MIOS: variants seen among roughly 807,000 people sequenced by gnomAD.
MIOS encodes GATOR2 complex protein MIOS.
MIOS carries 52 observed loss-of-function variants against 96.9 expected under a neutral mutation model. That is an observed-to-expected ratio of 0.54 (90% CI 0.43 to 0.68). The LOEUF (loss-of-function observed/expected upper bound fraction) is 0.68, where lower values mean the gene tolerates loss of function less well. Ranked by LOEUF, MIOS falls within the 30% of genes least tolerant of loss-of-function variation. The pLI is 0.00. For missense variants in MIOS, 1,005 were observed against 1,052.8 expected (o/e 0.95, Z 0.63); for synonymous variants, 397 against 359.5 (o/e 1.10, Z -1.18).
chr7:7,593,826 CCGAGAT>C (rs1212104703), intron 9 of MIOS, among the ~76,000 whole-genome samples: 1 of 144,462 alleles, frequency 6.9e-6, no homozygotes, highest in Admixed American at 7.1e-5. Flanking sequence ...TTGCAGTGAG[CCGAGAT>C]CGTGCCACTG....
chr7:7,600,981 G>A (rs1156672579), intron 11 of MIOS, among the ~76,000 whole-genome samples: 2 of 152,110 alleles, frequency 1.3e-5, no homozygotes, highest in African/African-American at 2.4e-5. Context: ...GGTACATAAC[G>A]AAATGAAGGC....
rs375420709 is a variant in MIOS, at chr7:7,605,948, C to A, written c.2408C>A (p.Thr803Asn). The change falls in exon 12 of 13, where the codon ACC becomes AAC. Residue 803 changes from threonine (T) to asparagine (N), a missense_variant. Physicochemically the swap from Thr to Asn is moderately conservative, Grantham distance 65. Coordinates refer to ENST00000340080, the MANE Select transcript of MIOS (RefSeq NM_019005.4). ...TCATTTTATTTTGTCATAGGAGGAA[C>A]CAAATCAGATGAAAAAGTGGACTTG... ...GTPVSSCPGG[T>N]KSDEKVDLSK... 2 of 1,613,180 alleles carry A rather than the reference C, an allele frequency of 1.2e-6. No homozygotes were observed. Among genetic ancestry groups the A allele is most frequent in the South Asian group, 2.2e-5 (2 of 91,026 alleles).
At chr7:7,580,009 A>T (rs1260669279) in intron 5 of MIOS, among the ~76,000 whole-genome samples, 1 of 152,232 alleles carries the variant, frequency 6.6e-6, no homozygotes, top group African/African-American at 2.4e-5. Context: ...AGCTGTAAGG[A>T]ACCATTTGAA....
intron 7 of MIOS, among the ~76,000 whole-genome samples, chr7:7,588,226 T>G (rs1783947456): frequency 6.6e-6 from 1 of 152,198 alleles, no homozygotes. Flanking sequence ...TTATGTTATG[T>G]AAGACTGACC....
In MIOS at chr7:7,573,623, A is replaced by C. The variant is rs374002136; in HGVS notation, c.1148A>C (p.Asp383Ala). The change falls in exon 4 of 13, where the codon GAT becomes GCT. Residue 383 changes from aspartate (D) to alanine (A), a missense_variant. Around this residue, in one of 3 missense-constraint regions of MIOS, gnomAD observed 865 missense variants for 887.9 expected, o/e 0.97. Coordinates refer to ENST00000340080, the MANE Select transcript of MIOS (RefSeq NM_019005.4). The surrounding 1 kb of genome is among the most constrained non-coding windows in gnomAD (Gnocchi z 5.0). ...HLYECTEEEN[D>A]NSLEKDIATK... ...TATGAATGTACGGAAGAAGAAAATG[A>C]TAATTCTTTAGAAAAAGATATAGCA... 5 of 1,614,068 alleles carry C rather than the reference A, an allele frequency of 3.1e-6. No individual in the cohort carries two copies. Among genetic ancestry groups the C allele is most frequent in the Non-Finnish European group, 2.5e-6 (3 of 1,179,942 alleles).
chr7:7,581,715 C>T (rs889135138), intron 5 of MIOS: 1 of 152,166 alleles, frequency 6.6e-6, no homozygotes, highest in African/African-American at 2.4e-5. Context: ...AGTTCCTTGC[C>T]ACGTGGCCTT....
At chr7:7,600,743 C>T (rs546721417) in intron 11 of MIOS, among the ~76,000 whole-genome samples, 1 of 152,294 alleles carries the variant, frequency 6.6e-6, no homozygotes, top group Admixed American at 6.5e-5. Flanking sequence ...GAACTCTCCA[C>T]CCCAAATCAA....
intron 9 of MIOS, among the ~76,000 whole-genome samples, chr7:7,594,318 T>A (rs1039295783): frequency 6.6e-6 from 1 of 151,988 alleles, no homozygotes; most frequent in Non-Finnish European, 1.5e-5. Context: ...GGACTTTTTT[T>A]TTTTTTTAAA....
intron 5 of MIOS, chr7:7,582,702 C>T (rs1166767042): frequency 1.3e-6 from 1 of 786,288 alleles, no homozygotes; most frequent in African/African-American, 1.9e-5. Flanking sequence ...ATAAAACAGA[C>T]AAGACACCTG....
chr7:7,597,735 G>A (rs1032344459), intron 11 of MIOS, among the ~76,000 whole-genome samples: 30 of 151,466 alleles, frequency 2.0e-4, no homozygotes, highest in Non-Finnish European at 7.4e-5. Context: ...ATCTCACTCT[G>A]TCACCCAGGA....
At chr7:7,590,912 G>A (rs1257770451) in intron 9 of MIOS, among the ~76,000 whole-genome samples, 1 of 152,130 alleles carries the variant, frequency 6.6e-6, no homozygotes, top group South Asian at 2.1e-4. Context: ...TGTCACAACA[G>A]TGTGATTTCA....
intron 12 of MIOS, among the ~76,000 whole-genome samples, chr7:7,606,280 C>T (rs138611256): frequency 3.3e-5 from 5 of 152,222 alleles, no homozygotes; most frequent in Non-Finnish European, 4.4e-5. Context: ...TATGTAAGAA[C>T]TAATTTAAAT....
chr7:7,605,789 C>A, intron 11 of MIOS, 153 bp from the exon 12 acceptor site: 2 of 626,002 alleles, frequency 3.2e-6, no homozygotes, highest in Non-Finnish European at 5.0e-6. Flanking sequence ...CATTCAGTTT[C>A]GCTTCATCTA....
intron 7 of MIOS, among the ~76,000 whole-genome samples, chr7:7,586,155 CGTGTGTGTGTGTGTGTGTGTGT>C (rs10527974): frequency 2.7e-5 from 4 of 149,942 alleles, no homozygotes; most frequent in African/African-American, 4.9e-5. Context: ...CACACATGCA[CGTGTGTGTGTGTGTGTGTGTGT>C]GTGTGTGTGT....
intron 3 of MIOS, among the ~76,000 whole-genome samples, chr7:7,570,937 T>C (rs554500280): frequency 1.4e-4 from 21 of 152,292 alleles, no homozygotes; most frequent in African/African-American, 5.1e-4. Context: ...TGGTCTAAAT[T>C]ATATGAGTCT....
chr7:7,591,917 G>A (rs572022192), intron 9 of MIOS, among the ~76,000 whole-genome samples: 10 of 151,674 alleles, frequency 6.6e-5, no homozygotes, highest in African/African-American at 2.2e-4. Context: ...CATAGTGTTC[G>A]TAGGTGCCTG....
intron 12 of MIOS, among the ~76,000 whole-genome samples, chr7:7,606,531 G>A (rs1784535905): frequency 6.6e-6 from 1 of 152,132 alleles, no homozygotes; most frequent in Non-Finnish European, 1.5e-5. Flanking sequence ...CAGTGGCCCT[G>A]TGCTCCTGGT....
At chr7:7,589,273 A>G (rs895870498) in intron 8 of MIOS, 132 bp from the exon 9 acceptor site, 3 of 725,108 alleles carry the variant, frequency 4.1e-6, no homozygotes, top group African/African-American at 3.6e-5. Flanking sequence ...TTAGTTAAAT[A>G]TTTATATTTT....
At chr7:7,602,194 A>G (rs1335632424) in intron 11 of MIOS, among the ~76,000 whole-genome samples, 1 of 152,184 alleles carries the variant, frequency 6.6e-6, no homozygotes, top group African/African-American at 2.4e-5. Context: ...CACCACTCCT[A>G]TTCAACATAG....
Sources: gnomAD v4.1 joint callset for allele counts (sites outside exome capture counted in the v4.1 genomes callset) on GRCh38, gnomAD v4.1.1 for gene constraint, gnomAD v4.1.1 regional missense constraint, Gnocchi (gnomAD v3.1) non-coding constraint, MANE v1.5 for transcripts, NCBI Gene and HGNC (gene_info 2026-07-23, HGNC 2026-07-21) for gene names.